TRIM23: variants seen among roughly 807,000 people sequenced by gnomAD.
The protein encoded by TRIM23 is E3 ubiquitin-protein ligase TRIM23.
A neutral mutation model predicts 71.0 loss-of-function variants in TRIM23; 27 were observed. That is an observed-to-expected ratio of 0.38 (90% confidence interval 0.28 to 0.52). TRIM23 has a LOEUF of 0.52. Ranked by LOEUF, TRIM23 falls within the 20% of genes least tolerant of loss-of-function variation. The probability of loss-of-function intolerance (pLI) is 0.84; values close to 1 mark genes in which losing one functional copy is unlikely to be tolerated. For missense variants in TRIM23, 482 were observed against 692.3 expected, an observed-to-expected ratio of 0.70 and a Z score of 3.41; for synonymous variants, 234 against 238.0, an observed-to-expected ratio of 0.98 and a Z score of 0.16.
Position 65,590,380 on chromosome 5 carries a change from CTT to C in TRIM23, c.*1387_*1388del. 1 of 1,426,362 alleles carries C rather than the reference CTT, an allele frequency of 7.0e-7. No homozygotes were observed. The highest frequency in any genetic ancestry group is 9.3e-7 in the Non-Finnish European group (1 of 1,079,852). 88.4% of individuals were successfully genotyped at this position (1,426,362 alleles called of 1,614,324 possible). A position where few individuals can be genotyped will look rare whatever the true frequency, so the allele number is the denominator to read the frequency against. On this transcript the variant is annotated 3_prime_UTR_variant, in exon 11 of 11. Coordinates refer to ENST00000231524, the MANE Select transcript of TRIM23 (RefSeq NM_001656.4). ...ATACTGATAGGCTTTTTTTTTAATGCTTTGTTTTCTAAAACTTGTATTGTTTT... is the reference window on the plus strand; with the variant it reads ...ATACTGATAGGCTTTTTTTTTAATGCTGTTTTCTAAAACTTGTATTGTTTT...
At chr5:65,612,810 C>G (rs1344591079) in intron 3 of TRIM23, among the ~76,000 whole-genome samples, 1 of 152,102 alleles carries the variant, frequency 6.6e-6, no homozygotes, top group Non-Finnish European at 1.5e-5. Flanking sequence ...CAGAGTGAGA[C>G]TCTGTCTTAA....
rs1441080354 is a variant in TRIM23 at position 65,596,402 on chromosome 5, T to C, written c.1420+19A>G. On this transcript the variant is annotated intron_variant, in intron 9 of 10. Transcript: ENST00000231524. ...CATCCTAAAAATGTGAAAAATTAAA[T>C]GTCATTTTTAACTCTCACCTTGAGT... is the stretch of plus-strand genomic sequence containing the variant. 5 of 1,496,274 alleles carry C rather than the reference T, an allele frequency of 3.3e-6. No individual in the cohort carries two copies. The highest frequency in any genetic ancestry group is 1.7e-4 in the Middle Eastern group (1 of 5,846). 92.7% of individuals were successfully genotyped at this position (1,496,274 alleles called of 1,614,324 possible).
chr5:65,615,877 G>A (rs1288472391), intron 2 of TRIM23, among the ~76,000 whole-genome samples: 1 of 152,086 alleles, frequency 6.6e-6, no homozygotes, highest in Non-Finnish European at 1.5e-5. Context: ...TTTGCATCAT[G>A]CAACATCTCA....
intron 7 of TRIM23, among the ~76,000 whole-genome samples, chr5:65,599,628 T>C (rs1754308789): frequency 6.6e-6 from 1 of 152,176 alleles, no homozygotes; most frequent in African/African-American, 2.4e-5. Flanking sequence ...TGTCCATGGA[T>C]TGAAAGACAT....
chr5:65,610,696 C>G (rs983801732), intron 5 of TRIM23, among the ~76,000 whole-genome samples, 165 bp downstream of exon 5: 1 of 152,200 alleles, frequency 6.6e-6, no homozygotes, highest in Non-Finnish European at 1.5e-5. Flanking sequence ...CAAACTCTCT[C>G]TTTTCCATGA....
intron 2 of TRIM23, among the ~76,000 whole-genome samples, chr5:65,614,777 T>C (rs1446864402): frequency 6.6e-6 from 1 of 151,616 alleles, no homozygotes; most frequent in Non-Finnish European, 1.5e-5. Flanking sequence ...AAAAAAATTA[T>C]GGTGGTAAAG....
At chr5:65,602,526 T>C (rs958667954) in intron 7 of TRIM23, among the ~76,000 whole-genome samples, 2 of 152,202 alleles carry the variant, frequency 1.3e-5, no homozygotes, top group African/African-American at 4.8e-5. Context: ...CCTCTACCTG[T>C]TACCCAGTTC....
chr5:65,609,162 A>C (rs952758094), intron 6 of TRIM23, 81 bp downstream of exon 6: 15 of 1,418,576 alleles, frequency 1.1e-5, no homozygotes, highest in Non-Finnish European at 1.5e-5. Flanking sequence ...CAAAATATTA[A>C]TAAAACACAC....
At chr5:65,613,211 T>C (rs1050875621) in intron 3 of TRIM23, among the ~76,000 whole-genome samples, 2 of 151,538 alleles carry the variant, frequency 1.3e-5, no homozygotes, top group African/African-American at 4.9e-5. Context: ...TAAACTATAA[T>C]GTCAACATTA....
At position 65,605,035 on chromosome 5, in the gene TRIM23, C is replaced by T. The variant is rs1192609074; in HGVS notation, c.1055G>A (p.Arg352Lys). 6.2e-7 allele frequency: 1 copy of T among 1,612,904 alleles called. No individual in the cohort carries two copies. The highest frequency in any genetic ancestry group is 8.5e-7 in the Non-Finnish European group (1 of 1,179,830). ...CEKTLQQDDC[R>K]VVLAKQEITR... ...AATTTCCTGTTTTGCCAAGACAACT[C>T]TACAATCATCCTATAAGAGGCAAAA... Residue 352 changes from arginine (R) to lysine (K), a missense_variant, in exon 7 of 11, where the codon AGA becomes AAA. Around this residue, in one of 2 missense-constraint regions of TRIM23, gnomAD observed 307 missense variants for 495.8 expected, o/e 0.62. Transcript: ENST00000231524.
At chr5:65,597,582 T>G (rs1207841325) in intron 7 of TRIM23, among the ~76,000 whole-genome samples, 1 of 152,182 alleles carries the variant, frequency 6.6e-6, no homozygotes, top group Non-Finnish European at 1.5e-5. Flanking sequence ...ACACTTTCCA[T>G]GCACATACTG....
intron 10 of TRIM23, 111 bp downstream of exon 10, chr5:65,594,410 A>G (rs1754135421): frequency 7.5e-7 from 1 of 1,335,192 alleles, no homozygotes; most frequent in Non-Finnish European, 1.0e-6. Context: ...CAAAATACAC[A>G]GAAGAAACTA....
At chr5:65,594,391 G>T in intron 10 of TRIM23, 130 bp downstream of exon 10, 1 of 1,214,390 alleles carries the variant, frequency 8.2e-7, no homozygotes, top group Non-Finnish European at 1.1e-6. Flanking sequence ...TTTTCACATA[G>T]ATTGTACTCA....
chr5:65,609,991 G>A (rs1370284712), intron 5 of TRIM23, among the ~76,000 whole-genome samples: 3 of 152,070 alleles, frequency 2.0e-5, no homozygotes, highest in African/African-American at 7.2e-5. Context: ...AGCAAATTCT[G>A]CTGACTTCAA....
intron 1 of TRIM23, among the ~76,000 whole-genome samples, chr5:65,623,168 T>G (rs1238780708): frequency 6.6e-6 from 1 of 152,188 alleles, no homozygotes; most frequent in Non-Finnish European, 1.5e-5. Context: ...ACCTGAATAA[T>G]CATAGGTGTC....
chr5:65,619,871 C>T (rs1754881113), intron 1 of TRIM23, among the ~76,000 whole-genome samples: 1 of 152,088 alleles, frequency 6.6e-6, no homozygotes, highest in Admixed American at 6.6e-5. Context: ...CATCTGAGGT[C>T]AGGAGTTCGA....
intron 10 of TRIM23, among the ~76,000 whole-genome samples, chr5:65,594,223 C>A (rs1581173907): frequency 6.6e-6 from 1 of 152,296 alleles, no homozygotes; most frequent in East Asian, 1.9e-4. Flanking sequence ...ACATTTAGAA[C>A]TACTTTCCTA....
At chr5:65,603,260 G>A (rs1019287542) in intron 7 of TRIM23, among the ~76,000 whole-genome samples, 4 of 152,120 alleles carry the variant, frequency 2.6e-5, no homozygotes, top group African/African-American at 9.7e-5. Flanking sequence ...GTACTGAATT[G>A]TACATTTTTA....
At position 65,590,547 on chromosome 5, in the gene TRIM23, TAAAAA is replaced by T. The variant is rs3836739; in HGVS notation, c.*1217_*1221del. ...ACTTCATCCTAATGTATCAGAACATTAAAAAAAAAAAAGTCTCAATGTACCTATTT... is the reference window on the plus strand; with the variant it reads ...ACTTCATCCTAATGTATCAGAACATTAAAAAAAGTCTCAATGTACCTATTT... On this transcript the variant is annotated 3_prime_UTR_variant, in exon 11 of 11. Coordinates refer to ENST00000231524, the MANE Select transcript of TRIM23 (RefSeq NM_001656.4). 1.6e-5 allele frequency: 14 copies of T among 878,624 alleles called. No individual in the cohort carries two copies. The highest frequency in any genetic ancestry group is 2.0e-5 in the Non-Finnish European group (14 of 710,514). 54.4% of individuals were successfully genotyped at this position (878,624 alleles called of 1,614,324 possible).
Sources: allele counts gnomAD v4.1 joint callset (sites outside exome capture counted in the v4.1 genomes callset), GRCh38; gene constraint gnomAD v4.1.1; regional missense constraint gnomAD v4.1.1; transcripts MANE v1.5; gene names NCBI Gene and HGNC (gene_info 2026-07-23, HGNC 2026-07-21).